BBX: variants seen among roughly 807,000 people sequenced by gnomAD.
BBX encodes the protein BBX high mobility group box domain containing, also known as HMG box transcription factor BBX.
In BBX, 30 loss-of-function variants were observed where a neutral mutation model predicts 100.2. The observed-to-expected ratio is 0.30, with a 90% CI of 0.22 to 0.41. The LOEUF is 0.41. BBX is among the 10% of genes least tolerant of loss of function. The pLI, the probability that BBX is intolerant of heterozygous loss-of-function variation, is 1.00. For missense variants in BBX, 1,023 were observed against 1,129.8 expected (o/e 0.91, Z 1.35); for synonymous variants, 376 against 388.1 (o/e 0.97, Z 0.37).
At chr3:107,671,079 T>C (rs984161004) in intron 3 of BBX, among the ~76,000 whole-genome samples, 4 of 150,840 alleles carry the variant, frequency 2.7e-5, no homozygotes, top group Non-Finnish European at 5.9e-5. Context: ...TTTAAAAAAA[T>C]TTTTTGGAGT....
intron 3 of BBX, among the ~76,000 whole-genome samples, chr3:107,675,780 T>G (rs2059250094): frequency 1.3e-5 from 2 of 152,170 alleles, no homozygotes; most frequent in Admixed American, 1.3e-4. Context: ...TTGGTGAACT[T>G]GAGCTAACCT....
intron 2 of BBX, among the ~76,000 whole-genome samples, chr3:107,639,759 A>G (rs1253452738): frequency 1.3e-5 from 2 of 152,200 alleles, no homozygotes; most frequent in African/African-American, 4.8e-5. Context: ...ATAATGTACA[A>G]AGATCTTATG....
At chr3:107,700,411 C>T (rs927598168) in intron 3 of BBX, among the ~76,000 whole-genome samples, 33 of 133,914 alleles carry the variant, frequency 2.5e-4, no homozygotes, top group Non-Finnish European at 3.8e-4. Context: ...TTTCTTTCAT[C>T]ATCATTATTA....
intron 3 of BBX, among the ~76,000 whole-genome samples, chr3:107,698,107 A>T (rs1576392229): frequency 6.6e-6 from 1 of 151,694 alleles, no homozygotes; most frequent in Admixed American, 6.6e-5. Context: ...GGCACTCCCT[A>T]GTGAGATGAA....
intron 3 of BBX, among the ~76,000 whole-genome samples, chr3:107,658,378 C>A (rs1021016239): frequency 6.6e-6 from 1 of 152,114 alleles, no homozygotes; most frequent in Non-Finnish European, 1.5e-5. Context: ...CATCAGCAAA[C>A]AAATACTTTC....
intron 3 of BBX, among the ~76,000 whole-genome samples, chr3:107,679,057 T>TCGCATG (rs1273562667): frequency 6.6e-6 from 1 of 151,582 alleles, no homozygotes; most frequent in Non-Finnish European, 1.5e-5. Context: ...TTGTGTCAAA[T>TCGCATG]CGCATGAGAT....
chr3:107,710,693 C>T lies in BBX; in HGVS notation c.162+71C>T. 4 of 1,352,786 alleles carry T rather than the reference C, an allele frequency of 3.0e-6. No homozygotes were observed. The East Asian group carries it at 1.0e-4, about 34-fold the overall frequency. 83.8% of individuals were successfully genotyped at this position (1,352,786 alleles called of 1,614,324 possible). On this transcript the variant is annotated intron_variant, in intron 4 of 17. Coordinates refer to ENST00000325805, the MANE Select transcript of BBX (RefSeq NM_001142568.3). ...ATCATAATCTAGAAACAATAGTGAACATGAATGATATTACAAAAGTGTTTC... is the reference window on the plus strand; with the variant it reads ...ATCATAATCTAGAAACAATAGTGAATATGAATGATATTACAAAAGTGTTTC...
intron 2 of BBX, among the ~76,000 whole-genome samples, chr3:107,585,653 G>A (rs970482915): frequency 5.9e-5 from 9 of 151,782 alleles, no homozygotes; most frequent in Non-Finnish European, 4.4e-5. Flanking sequence ...ATCTTTTTTG[G>A]AAAATGTTTT....
chr3:107,576,818 C>T (rs7639292), intron 2 of BBX, among the ~76,000 whole-genome samples: 18,341 of 151,912 alleles, frequency 0.12, 1,326 homozygotes, highest in Middle Eastern at 0.19. Context: ...TCTTTCCTCC[C>T]GAAGCTCTTT....
chr3:107,575,700 CCAGA>C (rs2051720407), intron 2 of BBX, among the ~76,000 whole-genome samples: 1 of 151,834 alleles, frequency 6.6e-6, no homozygotes, highest in Non-Finnish European at 1.5e-5. Flanking sequence ...TGATGTAATA[CCAGA>C]CATTCTACTC....
intron 1 of BBX, chr3:107,523,412 G>A (rs1339661767): frequency 6.5e-6 from 1 of 153,762 alleles, no homozygotes; most frequent in Non-Finnish European, 1.4e-5. Context: ...CGGGGGGCGG[G>A]GGGCGCTGAG....
chr3:107,666,573 A>T (rs1269700994), intron 3 of BBX, among the ~76,000 whole-genome samples: 1 of 152,166 alleles, frequency 6.6e-6, no homozygotes, highest in African/African-American at 2.4e-5. Context: ...CAAATTATTC[A>T]TTATTTTTTT....
rs2071077705 is a variant in BBX at position 107,806,525 on chromosome 3, A to T, written c.*1068A>T. 6.6e-6 allele frequency: 1 copy of T among 152,172 alleles called. No homozygotes were observed. Among genetic ancestry groups the T allele is most frequent in the Admixed American group, 6.6e-5 (1 of 15,266 alleles). 9.4% of individuals were successfully genotyped at this position (152,172 alleles called of 1,614,324 possible). The stretch of plus-strand genomic sequence containing the variant: ...ATTGGCACTGCAGGTTTTTAGAGCC[A>T]TTTTGAGTTTGTGTTGTTTAGGAGG... On this transcript the variant is annotated 3_prime_UTR_variant, in exon 18 of 18. Coordinates refer to ENST00000325805, the MANE Select transcript of BBX (RefSeq NM_001142568.3).
intron 9 of BBX, among the ~76,000 whole-genome samples, chr3:107,751,151 C>T (rs940700742): frequency 2.0e-5 from 3 of 151,896 alleles, no homozygotes; most frequent in Admixed American, 1.3e-4. Context: ...TGGAACTTCA[C>T]GGTGGAAGGG....
At chr3:107,523,135 C>G (rs1379923596) in intron 1 of BBX, 28 bp downstream of exon 1, 1 of 160,584 alleles carries the variant, frequency 6.2e-6, no homozygotes, top group Admixed American at 6.5e-5. Context: ...CCAGCCCTCC[C>G]TGGGCGCACT....
chr3:107,792,374 A>T (rs139205966), intron 15 of BBX, among the ~76,000 whole-genome samples: 2 of 152,288 alleles, frequency 1.3e-5, no homozygotes, highest in East Asian at 1.9e-4. Context: ...ACATCTTTTG[A>T]CTCTCAAATA....
intron 3 of BBX, among the ~76,000 whole-genome samples, chr3:107,673,571 C>T (rs1343020071): frequency 6.6e-6 from 1 of 152,048 alleles, no homozygotes; most frequent in Non-Finnish European, 1.5e-5. Flanking sequence ...AAAAGGTAAA[C>T]ATTCTAAGAC....
chr3:107,701,114 CTT>C (rs1308760869), intron 3 of BBX, among the ~76,000 whole-genome samples: 1 of 152,064 alleles, frequency 6.6e-6, no homozygotes, highest in Non-Finnish European at 1.5e-5. Context: ...TGTTTCCTGA[CTT>C]TTTAATGATC....
intron 3 of BBX, among the ~76,000 whole-genome samples, chr3:107,693,371 T>C (rs1380114578): frequency 6.6e-6 from 1 of 151,812 alleles, no homozygotes; most frequent in Non-Finnish European, 1.5e-5. Flanking sequence ...GAATTGACTT[T>C]TGTATAAGGT....
Sources: allele counts gnomAD v4.1 joint callset (sites outside exome capture counted in the v4.1 genomes callset), GRCh38; gene constraint gnomAD v4.1.1; transcripts MANE v1.5; gene names NCBI Gene and HGNC (gene_info 2026-07-23, HGNC 2026-07-21).